Variants in PARD3 observed in about 807,000 individuals in gnomAD.
The protein encoded by PARD3 is par-3 family cell polarity regulator, also known as partitioning defective 3 homolog.
In PARD3, 75 loss-of-function variants were observed where a neutral mutation model predicts 155.4. The observed-to-expected ratio is 0.48, with a 90% CI of 0.40 to 0.58. The LOEUF is 0.58. Ranked by LOEUF, PARD3 falls within the 20% of genes least tolerant of loss-of-function variation. PARD3 has a pLI of 0.00. For synonymous variants in PARD3, 576 were observed against 610.5 expected, an observed-to-expected ratio of 0.94 and a Z score of 0.83; for missense variants, 1,642 against 1,721.7, an observed-to-expected ratio of 0.95 and a Z score of 0.82.
chr10:34,656,032 T>G (rs1033249088), intron 2 of PARD3, among the ~76,000 whole-genome samples: 1 of 152,190 alleles, frequency 6.6e-6, no homozygotes, highest in Non-Finnish European at 1.5e-5. Context: ...AAAGGATGAC[T>G]TGGGAATGGC....
At chr10:34,581,295 C>A (rs1321903647) in intron 2 of PARD3, among the ~76,000 whole-genome samples, 3 of 129,114 alleles carry the variant, frequency 2.3e-5, no homozygotes, top group African/African-American at 9.1e-5. Context: ...AGTGCAGTGG[C>A]ACGATCTCGG....
intron 20 of PARD3, 110 bp from the exon 21 acceptor site, chr10:34,284,355 G>C (rs979373689): frequency 1.6e-6 from 1 of 626,570 alleles, no homozygotes; most frequent in Non-Finnish European, 2.8e-6. Flanking sequence ...TTCAAAACAG[G>C]GATCAGGTGT....
chr10:34,811,787 G>A (rs935920615), intron 1 of PARD3, among the ~76,000 whole-genome samples: 3 of 152,260 alleles, frequency 2.0e-5, no homozygotes, highest in African/African-American at 7.2e-5. Context: ...CTGCAGCTCA[G>A]CACCATGTCC....
At chr10:34,128,948 T>C (rs1415547) in intron 23 of PARD3, among the ~76,000 whole-genome samples, 39,134 of 151,982 alleles carry the variant, frequency 0.26, 5,515 homozygotes, top group Non-Finnish European at 0.31. Flanking sequence ...ACCAAGAATA[T>C]GTATTCCTAA....
intron 1 of PARD3, among the ~76,000 whole-genome samples, chr10:34,710,222 A>G (rs958493520): frequency 2.0e-5 from 3 of 152,206 alleles, no homozygotes; most frequent in Admixed American, 1.3e-4. Flanking sequence ...ACAACAGAGC[A>G]ATTCACAATG....
At chr10:34,323,520 T>A (rs1040733046) in intron 19 of PARD3, among the ~76,000 whole-genome samples, 1 of 152,124 alleles carries the variant, frequency 6.6e-6, no homozygotes, top group African/African-American at 2.4e-5. Context: ...TGGGAGAAAG[T>A]TCAAATAGAT....
rs777442708 is a variant in PARD3, at chr10:34,342,496, T to A, written c.2219-680A>T. Among the ~76,000 whole-genome samples, 22 of 152,226 alleles carry A rather than the reference T, an allele frequency of 1.4e-4. 1 individual carries two copies. The highest frequency in any genetic ancestry group is 2.6e-4 in the Non-Finnish European group (18 of 68,038). ...ATTTTAGATAGCAACAACATCATTA[T>A]TAAATGCATGATGGAGAAAAGCCCA... On this transcript the variant is annotated intron_variant, in intron 15 of 24. Coordinates refer to ENST00000374788, the MANE Select transcript of PARD3 (RefSeq NM_001184785.2).
chr10:34,556,303 G>A (rs897730561), intron 2 of PARD3, among the ~76,000 whole-genome samples: 1 of 151,936 alleles, frequency 6.6e-6, no homozygotes, highest in African/African-American at 2.4e-5. Flanking sequence ...AAACTCAAAT[G>A]AATATAGTGT....
intron 1 of PARD3, among the ~76,000 whole-genome samples, chr10:34,750,030 TAC>T (rs71984849): frequency 0.21 from 28,775 of 140,310 alleles, 2,794 homozygotes; most frequent in South Asian, 0.28. Flanking sequence ...TCAAAAAAAG[TAC>T]ACACACACAC....
chr10:34,412,755 T>C (rs547456706), intron 5 of PARD3, among the ~76,000 whole-genome samples: 1 of 152,148 alleles, frequency 6.6e-6, no homozygotes, highest in Non-Finnish European at 1.5e-5. Flanking sequence ...GGATTCATGA[T>C]TTGCAAATGG....
chr10:34,413,144 TACACACACACACACAC>T (rs146779470), intron 5 of PARD3, among the ~76,000 whole-genome samples: 1 of 145,882 alleles, frequency 6.9e-6, no homozygotes, highest in African/African-American at 2.5e-5. Context: ...CAGATATATA[TACACACACACACACAC>T]ACACACACAC....
intron 15 of PARD3, chr10:34,343,764 T>A (rs1837087477): frequency 1.0e-6 from 1 of 984,920 alleles, no homozygotes; most frequent in Non-Finnish European, 1.2e-6. Context: ...GGCTTCAATT[T>A]ATTTCTGATA....
intron 1 of PARD3, among the ~76,000 whole-genome samples, chr10:34,808,015 T>C (rs1313195178): frequency 6.6e-6 from 1 of 152,218 alleles, no homozygotes; most frequent in Non-Finnish European, 1.5e-5. Context: ...TTATTTTTAC[T>C]TATTTGCTAA....
intron 2 of PARD3, among the ~76,000 whole-genome samples, chr10:34,603,615 C>T (rs376131700): frequency 7.2e-5 from 11 of 152,208 alleles, no homozygotes; most frequent in Admixed American, 3.3e-4. Context: ...GAACTCCAAA[C>T]GACTCATTTC....
chr10:34,710,016 G>C (rs968586637), intron 1 of PARD3, among the ~76,000 whole-genome samples: 1 of 152,134 alleles, frequency 6.6e-6, no homozygotes, highest in Non-Finnish European at 1.5e-5. Context: ...GGGACAGGGA[G>C]CTAGAATTTG....
chr10:34,780,335 ATCTCAATAGCCC>A (rs1840098693), intron 1 of PARD3, among the ~76,000 whole-genome samples: 1 of 152,204 alleles, frequency 6.6e-6, no homozygotes, highest in African/African-American at 2.4e-5. Flanking sequence ...TTGGAGATCT[ATCTCAATAGCCC>A]TCTCAAAACA....
chr10:34,355,061 C>G (rs560636427), intron 14 of PARD3, among the ~76,000 whole-genome samples: 1 of 152,100 alleles, frequency 6.6e-6, no homozygotes, highest in African/African-American at 2.4e-5. Context: ...CTAGGCCAGG[C>G]GCAGTGGCTC....
intron 21 of PARD3, among the ~76,000 whole-genome samples, chr10:34,280,649 C>T (rs1018461224): frequency 2.0e-5 from 3 of 152,120 alleles, no homozygotes; most frequent in East Asian, 1.9e-4. Context: ...CAATCAACTC[C>T]GGTTTCCACA....
At position 34,312,129 on chromosome 10, in the gene PARD3, C is replaced by T. The variant is rs181819308; in HGVS notation, c.3065+4978G>A. 135 of 712,396 alleles carry T rather than the reference C, an allele frequency of 1.9e-4. No individual in the cohort carries two copies. The East Asian group carries it at 3.7e-3, about 20-fold the overall frequency. The allele number at this position is 712,396 out of a possible 1,614,324, so 44.1% of individuals were successfully genotyped here. On this transcript the variant is annotated intron_variant, in intron 20 of 24. Coordinates refer to ENST00000374788, the MANE Select transcript of PARD3 (RefSeq NM_001184785.2). Reference sequence around the variant, plus strand: ...AAAGGAAAGAGAAAAAAACACGTCTCTGCCTTTTCAAGCGTAATTTAAACC... The same window carrying T: ...AAAGGAAAGAGAAAAAAACACGTCTTTGCCTTTTCAAGCGTAATTTAAACC...
Sources: gnomAD v4.1 joint callset for allele counts (sites outside exome capture counted in the v4.1 genomes callset) on GRCh38, gnomAD v4.1.1 for gene constraint, MANE v1.5 for transcripts, NCBI Gene and HGNC (gene_info 2026-07-23, HGNC 2026-07-21) for gene names.